The following USH2A variants were observed in gnomAD, a reference collection of about 807,000 sequenced individuals.
USH2A encodes usherin.
In USH2A, 443 loss-of-function variants were observed where a neutral mutation model predicts 538.9. The observed-to-expected ratio is 0.82, with a 90% CI of 0.76 to 0.89. USH2A has a LOEUF of 0.89. Among genes scored for constraint, USH2A ranks in the 40% least tolerant of loss-of-function variants. USH2A has a pLI of 0.00. For synonymous variants in USH2A, 2,413 were observed against 2,273.5 expected, an observed-to-expected ratio of 1.06 and a Z score of -1.75; for missense variants, 6,633 against 6,324.8, an observed-to-expected ratio of 1.05 and a Z score of -1.65.
At chr1:215,981,232 T>C (rs1372697582) in intron 35 of USH2A, among the ~76,000 whole-genome samples, 1 of 152,178 alleles carries the variant, frequency 6.6e-6, no homozygotes, top group East Asian at 1.9e-4. Context: ...TTTCTTCTTT[T>C]GTGAAATGAC....
chr1:215,795,456 G>T (rs1472375282), intron 50 of USH2A, among the ~76,000 whole-genome samples: 1 of 152,086 alleles, frequency 6.6e-6, no homozygotes, highest in Non-Finnish European at 1.5e-5. Flanking sequence ...CGGAATCTTG[G>T]CCATTTTTAC....
chr1:215,782,620 G>T, intron 53 of USH2A, 118 bp downstream of exon 53: 1 of 1,090,822 alleles, frequency 9.2e-7, no homozygotes, highest in Non-Finnish European at 1.4e-6. Flanking sequence ...TCCCTTTATC[G>T]GAACATACTT....
chr1:216,373,037 C>G (rs973764006), intron 3 of USH2A, among the ~76,000 whole-genome samples: 1 of 152,142 alleles, frequency 6.6e-6, no homozygotes, highest in Non-Finnish European at 1.5e-5. Flanking sequence ...TCTTTTGTCT[C>G]CCATGTTTAT....
At chr1:216,328,790 C>A (rs183784816) in intron 4 of USH2A, among the ~76,000 whole-genome samples, 1 of 151,496 alleles carries the variant, frequency 6.6e-6, no homozygotes, top group East Asian at 1.9e-4. Flanking sequence ...GACTTAGGAG[C>A]CTAAAAAGAG....
chr1:215,874,534 G>A (rs111303669), intron 43 of USH2A, among the ~76,000 whole-genome samples: 33 of 152,224 alleles, frequency 2.2e-4, no homozygotes, highest in African/African-American at 7.7e-4. Flanking sequence ...ATATAATGAT[G>A]TTTTAAATTA....
intron 3 of USH2A, among the ~76,000 whole-genome samples, chr1:216,382,457 G>A (rs530200696): frequency 3.1e-4 from 47 of 152,282 alleles, no homozygotes; most frequent in Admixed American, 9.8e-4. Flanking sequence ...TCCCAGAGGA[G>A]ACCTTACAGA....
rs528486381 is a variant in USH2A, at chr1:216,061,111, GC to G, written c.6049+8989del. ...AATCTAGACCCTGTGGCCCAAAGGG[GC>G]CCATTTGCTCCTGAGCGGGCCTGTT... On this transcript the variant is annotated intron_variant, in intron 30 of 71. Transcript: ENST00000307340. 1.1e-4 allele frequency among the ~76,000 whole-genome samples: 16 copies of G among 152,328 alleles called. No individual in the cohort carries two copies. In the East Asian group the frequency reaches 3.1e-3, roughly 29 times the overall value.
chr1:215,953,647 G>A (rs1328581635), intron 37 of USH2A, among the ~76,000 whole-genome samples: 1 of 151,936 alleles, frequency 6.6e-6, no homozygotes, highest in Non-Finnish European at 1.5e-5. Flanking sequence ...CAGGACATAG[G>A]CATGGGCAAG....
intron 70 of USH2A, among the ~76,000 whole-genome samples, chr1:215,632,574 A>G (rs1157067164): frequency 6.6e-6 from 1 of 152,182 alleles, no homozygotes; most frequent in Non-Finnish European, 1.5e-5. Flanking sequence ...CATTGCTGGT[A>G]TGTGGGTACA....
chr1:215,849,066 C>T (rs1415889749), intron 44 of USH2A, among the ~76,000 whole-genome samples: 1 of 152,098 alleles, frequency 6.6e-6, no homozygotes, highest in East Asian at 1.9e-4. Flanking sequence ...ATTTCACCCT[C>T]CCTGTCTATT....
intron 44 of USH2A, among the ~76,000 whole-genome samples, chr1:215,857,868 C>T (rs146948343): frequency 2.2e-4 from 34 of 152,222 alleles, no homozygotes; most frequent in African/African-American, 7.2e-4. Context: ...GGAAGTAACC[C>T]TAATGGTGTA....
intron 40 of USH2A, among the ~76,000 whole-genome samples, chr1:215,895,488 A>T (rs1665312498): frequency 6.6e-6 from 1 of 152,190 alleles, no homozygotes; most frequent in African/African-American, 2.4e-5. Context: ...AAAGAGGAAG[A>T]AGCATGTTCT....
intron 11 of USH2A, among the ~76,000 whole-genome samples, chr1:216,262,721 A>G (rs2036398515): frequency 6.6e-6 from 1 of 152,068 alleles, no homozygotes; most frequent in African/African-American, 2.4e-5. Flanking sequence ...AGATCCAGGA[A>G]GCTCAAAAGT....
intron 11 of USH2A, among the ~76,000 whole-genome samples, chr1:216,251,556 T>C (rs2036164082): frequency 7.1e-6 from 1 of 140,538 alleles, no homozygotes; most frequent in Non-Finnish European, 1.5e-5. Flanking sequence ...GTTCACACCA[T>C]TCTCCTGCCT....
intron 32 of USH2A, among the ~76,000 whole-genome samples, chr1:216,028,362 G>C (rs894689119): frequency 6.6e-6 from 1 of 151,696 alleles, no homozygotes; most frequent in Non-Finnish European, 1.5e-5. Flanking sequence ...ACACCAGCCT[G>C]GGCGACAGAG....
intron 29 of USH2A, 89 bp downstream of exon 29, chr1:216,072,800 C>T: frequency 1.6e-6 from 2 of 1,275,340 alleles, no homozygotes; most frequent in South Asian, 1.2e-5. Context: ...AATATTACTG[C>T]TTCAGGGTAA....
At chr1:216,054,672 A>T (rs1265278584) in intron 30 of USH2A, among the ~76,000 whole-genome samples, 10 of 104,248 alleles carry the variant, frequency 9.6e-5, no homozygotes, top group African/African-American at 3.6e-4. Flanking sequence ...CCCCCACCCC[A>T]CCCCCAGCTG....
chr1:216,354,404 G>C (rs371619595), intron 4 of USH2A, among the ~76,000 whole-genome samples: 53 of 152,244 alleles, frequency 3.5e-4, no homozygotes, highest in African/African-American at 1.1e-3. Flanking sequence ...AATAGAAGGA[G>C]ATGCAGACAT....
At chr1:216,132,084 C>T (rs1473989337) in intron 21 of USH2A, among the ~76,000 whole-genome samples, 1 of 151,996 alleles carries the variant, frequency 6.6e-6, no homozygotes, top group East Asian at 1.9e-4. Context: ...CTACATACAA[C>T]CTCTCATTCC....
Sources: allele counts gnomAD v4.1 joint callset (sites outside exome capture counted in the v4.1 genomes callset), GRCh38; gene constraint gnomAD v4.1.1; transcripts MANE v1.5; gene names NCBI Gene and HGNC (gene_info 2026-07-23, HGNC 2026-07-21).